PCDHGB1: variants seen among roughly 807,000 people sequenced by gnomAD.
PCDHGB1 encodes the protein protocadherin gamma subfamily B, 1.
A neutral mutation model predicts 56.6 loss-of-function variants in PCDHGB1; 34 were observed. The observed-to-expected ratio is 0.60, with a 90% confidence interval of 0.46 to 0.80. PCDHGB1 has a LOEUF of 0.80. Among genes scored for constraint, PCDHGB1 ranks in the 30% least tolerant of loss-of-function variants. PCDHGB1 has a pLI of 0.00. For synonymous variants in PCDHGB1, 561 were observed against 505.9 expected (o/e 1.11, Z -1.46); for missense variants, 1,278 against 1,204.6 (o/e 1.06, Z -0.90).
intron 1 of PCDHGB1, among the ~76,000 whole-genome samples, chr5:141,429,377 GT>G (rs566693637): frequency 1.3e-4 from 20 of 149,526 alleles, no homozygotes; most frequent in South Asian, 8.5e-4. Flanking sequence ...GAGAAAATGT[GT>G]TTTTTTTTTA....
chr5:141,374,408 C>T (rs769866993), intron 1 of PCDHGB1: 1 of 1,614,034 alleles, frequency 6.2e-7, no homozygotes, highest in East Asian at 2.2e-5. Context: ...TTTTAACATC[C>T]TTGTCGAGGA....
intron 1 of PCDHGB1, chr5:141,375,550 C>T (rs770616547): frequency 2.5e-6 from 4 of 1,614,066 alleles, no homozygotes; most frequent in Middle Eastern, 1.6e-4. Context: ...AAGTCTCCTA[C>T]TCACTGGCAG....
At chr5:141,372,159 A>G in intron 1 of PCDHGB1, 1 of 1,613,708 alleles carries the variant, frequency 6.2e-7, no homozygotes, top group East Asian at 2.2e-5. Context: ...CTACCTGGTG[A>G]CCAAGGTGGT....
At chr5:141,420,811 CT>C (rs2096526727) in intron 1 of PCDHGB1, among the ~76,000 whole-genome samples, 1 of 152,214 alleles carries the variant, frequency 6.6e-6, no homozygotes, top group Admixed American at 6.5e-5. Flanking sequence ...TAAGCAAGCC[CT>C]TTTAATAATT....
At chr5:141,413,058 C>G (rs2095601249) in intron 1 of PCDHGB1, 1 of 1,073,304 alleles carries the variant, frequency 9.3e-7, no homozygotes, top group Non-Finnish European at 1.3e-6. Context: ...AAGCTCACTC[C>G]AGAATTTAAA....
Position 141,477,665 on chromosome 5 carries a change from G to T in PCDHGB1, c.2410-17142G>T, listed in dbSNP as rs753814499. ...CTATTTCACAATAAATCGTGACAAT[G>T]GCATAGTGTCATCCTTAGTGCCCCT... is the stretch of plus-strand genomic sequence containing the variant. On this transcript the variant is annotated intron_variant, in intron 1 of 3. Coordinates refer to ENST00000523390, the MANE Select transcript of PCDHGB1 (RefSeq NM_018922.3). The surrounding 1 kb of genome is among the most constrained non-coding windows in gnomAD (Gnocchi z 4.9). 6.2e-7 allele frequency: 1 copy of T among 1,614,182 alleles called. No individual in the cohort carries two copies. The highest frequency in any genetic ancestry group is 8.5e-7 in the Non-Finnish European group (1 of 1,180,038).
chr5:141,492,942 G>A (rs897160295), intron 1 of PCDHGB1, among the ~76,000 whole-genome samples: 3 of 152,220 alleles, frequency 2.0e-5, no homozygotes, highest in African/African-American at 7.2e-5. Context: ...GAGATTTGGA[G>A]GTGACCAAAC....
intron 1 of PCDHGB1, chr5:141,414,637 A>G: frequency 5.6e-6 from 9 of 1,613,894 alleles, no homozygotes; most frequent in Non-Finnish European, 6.8e-6. Context: ...CAGCAAAGAG[A>G]ATGCCCAGAT....
chr5:141,474,180 A>G (rs763042503), intron 1 of PCDHGB1, among the ~76,000 whole-genome samples: 4 of 152,240 alleles, frequency 2.6e-5, no homozygotes, highest in Non-Finnish European at 4.4e-5. Context: ...TGAGAAAACT[A>G]CTTACATTTT....
At chr5:141,389,080 C>T (rs762866893) in intron 1 of PCDHGB1, 8 of 1,613,866 alleles carry the variant, frequency 5.0e-6, no homozygotes, top group African/African-American at 2.7e-5. Flanking sequence ...TCAAGAAACA[C>T]GTATAAATTA....
intron 1 of PCDHGB1, chr5:141,441,971 G>A: frequency 3.3e-6 from 1 of 298,820 alleles, no homozygotes; most frequent in Non-Finnish European, 6.5e-6. Flanking sequence ...AGGCTCTTCA[G>A]CCTGGAATGC....
intron 1 of PCDHGB1, chr5:141,364,455 G>A (rs753233498): frequency 1.9e-6 from 3 of 1,614,000 alleles, no homozygotes; most frequent in Non-Finnish European, 2.5e-6. Flanking sequence ...CTGGACAAAG[G>A]CTCCTTCGTC....
chr5:141,404,071 C>T, intron 1 of PCDHGB1: 2 of 1,613,734 alleles, frequency 1.2e-6, no homozygotes, highest in Non-Finnish European at 1.7e-6. Context: ...ATGCTCATGA[C>T]CGAGACTCCG....
At chr5:141,360,442 G>A in intron 1 of PCDHGB1, 2 of 1,613,972 alleles carry the variant, frequency 1.2e-6, no homozygotes, top group African/African-American at 2.7e-5. Context: ...GCCTCTGTGT[G>A]TTCTGGATTT....
chr5:141,509,602 C>T (rs921950654), intron 3 of PCDHGB1, among the ~76,000 whole-genome samples: 8 of 152,194 alleles, frequency 5.3e-5, no homozygotes, highest in Non-Finnish European at 8.8e-5. Context: ...TTCCGAGAGG[C>T]TGCATTCTAA....
chr5:141,399,902 C>T, intron 1 of PCDHGB1: 3 of 1,612,490 alleles, frequency 1.9e-6, no homozygotes, highest in Non-Finnish European at 8.5e-7. Context: ...GCCGTGGACG[C>T]AGACTCAGGA....
intron 1 of PCDHGB1, among the ~76,000 whole-genome samples, chr5:141,482,127 T>C (rs2099553382): frequency 6.6e-6 from 1 of 151,774 alleles, no homozygotes; most frequent in African/African-American, 2.4e-5. Flanking sequence ...GGGAGAATCA[T>C]ATGGCTGGCA....
intron 1 of PCDHGB1, chr5:141,415,733 T>C: frequency 7.1e-7 from 1 of 1,407,484 alleles, no homozygotes; most frequent in Non-Finnish European, 9.3e-7. Context: ...ATTTGATGTT[T>C]ATTAAGGTTT....
chr5:141,481,835 C>T (rs892868552), intron 1 of PCDHGB1, among the ~76,000 whole-genome samples: 5 of 149,932 alleles, frequency 3.3e-5, no homozygotes, highest in Non-Finnish European at 7.4e-5. Flanking sequence ...GCAGGAGAAT[C>T]GCTTGATGGT....
Sources: gnomAD v4.1 joint callset for allele counts (sites outside exome capture counted in the v4.1 genomes callset) on GRCh38, gnomAD v4.1.1 for gene constraint, Gnocchi (gnomAD v3.1) non-coding constraint, MANE v1.5 for transcripts, NCBI Gene and HGNC (gene_info 2026-07-23, HGNC 2026-07-21) for gene names.